MAGI1: variants seen among roughly 807,000 people sequenced by gnomAD.
The protein encoded by MAGI1 is membrane associated guanylate kinase, WW and PDZ domain containing 1, also known as membrane-associated guanylate kinase, WW and PDZ domain-containing protein 1.
MAGI1 carries 58 observed loss-of-function variants against 139.9 expected under a neutral mutation model. The observed-to-expected ratio is 0.41, with a 90% CI of 0.34 to 0.52. The LOEUF is 0.52. MAGI1 is among the 20% of genes least tolerant of loss of function. MAGI1 has a pLI of 0.12. For synonymous variants in MAGI1, 812 were observed against 737.9 expected (o/e 1.10, Z -1.63); for missense variants, 1,874 against 1,901.6 (o/e 0.99, Z 0.27).
At chr3:65,745,016 T>G (rs925721580) in intron 1 of MAGI1, among the ~76,000 whole-genome samples, 1 of 152,092 alleles carries the variant, frequency 6.6e-6, no homozygotes, top group African/African-American at 2.4e-5. Context: ...CTCTCTGAAT[T>G]TGCCCATTCT....
intron 1 of MAGI1, among the ~76,000 whole-genome samples, chr3:66,037,273 C>T (rs1244064639): frequency 6.6e-6 from 1 of 152,142 alleles, no homozygotes. Flanking sequence ...ATGTAGTAAA[C>T]CAACAATGAA....
intron 12 of MAGI1, among the ~76,000 whole-genome samples, chr3:65,426,592 G>A (rs1301578976): frequency 6.6e-6 from 1 of 152,130 alleles, no homozygotes; most frequent in Non-Finnish European, 1.5e-5. Flanking sequence ...TCGGTAAAGT[G>A]GGCATTTACT....
chr3:65,708,765 T>C (rs1168135693), intron 1 of MAGI1, among the ~76,000 whole-genome samples: 1 of 152,218 alleles, frequency 6.6e-6, no homozygotes, highest in Non-Finnish European at 1.5e-5. Flanking sequence ...ATATCTCTTC[T>C]GGTGGCTTCC....
intron 13 of MAGI1, 71 bp from the exon 14 acceptor site, chr3:65,391,429 C>A: frequency 7.5e-7 from 1 of 1,337,146 alleles, no homozygotes; most frequent in South Asian, 1.3e-5. Context: ...TGCTTTCCAC[C>A]AGCTTGTCTT....
intron 3 of MAGI1, among the ~76,000 whole-genome samples, chr3:65,491,973 G>C (rs900864059): frequency 6.6e-6 from 1 of 152,044 alleles, no homozygotes; most frequent in African/African-American, 2.4e-5. Flanking sequence ...ACCAGAAACA[G>C]CCATCTCTAA....
At chr3:65,741,103 T>C (rs1052228638) in intron 1 of MAGI1, among the ~76,000 whole-genome samples, 1 of 152,138 alleles carries the variant, frequency 6.6e-6, no homozygotes, top group Non-Finnish European at 1.5e-5. Flanking sequence ...TCAAAGACTA[T>C]GGTTATGACC....
At chr3:65,551,435 G>C (rs949498414) in intron 2 of MAGI1, among the ~76,000 whole-genome samples, 3 of 152,032 alleles carry the variant, frequency 2.0e-5, no homozygotes, top group African/African-American at 7.2e-5. Context: ...CGAGTGGCTG[G>C]GATTACAGGC....
At chr3:65,359,269 T>C in intron 22 of MAGI1, 1 of 1,526,306 alleles carries the variant, frequency 6.6e-7, no homozygotes, top group South Asian at 1.3e-5. Context: ...AAATCTACAT[T>C]TGTTAACATA....
intron 1 of MAGI1, among the ~76,000 whole-genome samples, chr3:65,640,431 G>A (rs2107233910): frequency 6.6e-6 from 1 of 152,232 alleles, no homozygotes; most frequent in East Asian, 1.9e-4. Flanking sequence ...AAGAGCCTCT[G>A]ATACTTATCT....
At chr3:65,418,926 T>C (rs1159891748) in intron 12 of MAGI1, among the ~76,000 whole-genome samples, 1 of 152,170 alleles carries the variant, frequency 6.6e-6, no homozygotes, top group Non-Finnish European at 1.5e-5. Flanking sequence ...GACCCATGAG[T>C]GCTGCTACAA....
intron 18 of MAGI1, among the ~76,000 whole-genome samples, chr3:65,370,455 C>T (rs949091962): frequency 2.0e-5 from 3 of 152,176 alleles, no homozygotes; most frequent in African/African-American, 7.2e-5. Flanking sequence ...CAATCCTCAA[C>T]TATGTTGTAC....
intron 1 of MAGI1, among the ~76,000 whole-genome samples, chr3:65,903,240 C>T (rs264679): frequency 0.015 from 2,214 of 152,216 alleles, 52 homozygotes; most frequent in African/African-American, 0.05. Context: ...ACGATCCTCC[C>T]ACCTTGGCCT....
intron 1 of MAGI1, among the ~76,000 whole-genome samples, chr3:65,652,375 A>C (rs1003936632): frequency 2.0e-5 from 3 of 152,168 alleles, no homozygotes; most frequent in African/African-American, 7.2e-5. Flanking sequence ...AGTACTATTG[A>C]CACGTGGGAC....
chr3:65,983,548 C>T (rs2107294326), intron 1 of MAGI1, among the ~76,000 whole-genome samples: 1 of 152,246 alleles, frequency 6.6e-6, no homozygotes, highest in East Asian at 1.9e-4. Context: ...TGCTCTTCTC[C>T]AAATACAGTT....
At chr3:65,972,725 A>T (rs1194963042) in intron 1 of MAGI1, among the ~76,000 whole-genome samples, 1 of 152,232 alleles carries the variant, frequency 6.6e-6, no homozygotes, top group African/African-American at 2.4e-5. Flanking sequence ...GCAGTCAGAT[A>T]CTCAACTATT....
At chr3:65,912,028 T>C (rs2061690888) in intron 1 of MAGI1, among the ~76,000 whole-genome samples, 1 of 152,206 alleles carries the variant, frequency 6.6e-6, no homozygotes, top group Admixed American at 6.5e-5. Context: ...AAAGCCTAAA[T>C]TCTCAATCAC....
At chr3:65,402,070 C>G (rs1304057607) in intron 12 of MAGI1, 1 of 228,060 alleles carries the variant, frequency 4.4e-6, no homozygotes, top group Non-Finnish European at 7.3e-6. Flanking sequence ...GAACACAAAT[C>G]CAAGTTGCTC....
chr3:65,964,310 T>A (rs544609562), intron 1 of MAGI1, among the ~76,000 whole-genome samples: 7 of 152,082 alleles, frequency 4.6e-5, no homozygotes, highest in South Asian at 2.1e-4. Context: ...TGTGGGAGTA[T>A]CACCTCCCTA....
At chr3:65,754,146 ACT>A (rs1390490507) in intron 1 of MAGI1, among the ~76,000 whole-genome samples, 1 of 152,160 alleles carries the variant, frequency 6.6e-6, no homozygotes, top group Non-Finnish European at 1.5e-5. Flanking sequence ...AAATATAGTG[ACT>A]TTTTACCAAT....
Sources: gnomAD v4.1 joint callset for allele counts (sites outside exome capture counted in the v4.1 genomes callset) on GRCh38, gnomAD v4.1.1 for gene constraint, MANE v1.5 for transcripts, NCBI Gene and HGNC (gene_info 2026-07-23, HGNC 2026-07-21) for gene names.